The following NPTN variants were observed in gnomAD, a reference collection of about 807,000 sequenced individuals.
NPTN encodes SDR-1.
Under a neutral mutation model 42.7 loss-of-function variants are expected in NPTN, and 5 were observed. The observed-to-expected ratio is 0.12, with a 90% CI of 0.06 to 0.25. The LOEUF (loss-of-function observed/expected upper bound fraction) is 0.25, where lower values mean the gene tolerates loss of function less well. Among genes scored for constraint, NPTN ranks in the 10% least tolerant of loss-of-function variants. The pLI is 1.00. For missense variants in NPTN, 307 were observed against 525.4 expected, an observed-to-expected ratio of 0.58 and a Z score of 4.06; for synonymous variants, 180 against 201.9, an observed-to-expected ratio of 0.89 and a Z score of 0.92.
intron 2 of NPTN, among the ~76,000 whole-genome samples, chr15:73,594,634 C>T (rs1041994129): frequency 2.0e-5 from 3 of 152,144 alleles, no homozygotes; most frequent in Admixed American, 6.5e-5. Flanking sequence ...TGTGGCCAAG[C>T]GCTGCCCAAA....
intron 1 of NPTN, among the ~76,000 whole-genome samples, chr15:73,605,715 G>A (rs1204545782): frequency 7.4e-6 from 1 of 134,422 alleles, no homozygotes; most frequent in Admixed American, 7.8e-5. Flanking sequence ...CAACAAGAGC[G>A]AAACTCACCT....
At chr15:73,588,838 C>T (rs1300362977) in intron 3 of NPTN, among the ~76,000 whole-genome samples, 5 of 152,274 alleles carry the variant, frequency 3.3e-5, no homozygotes, top group Admixed American at 6.5e-5. Context: ...GATTAATGTC[C>T]GGCTTCCCAA....
chr15:73,580,928 T>C (rs1018757357), intron 4 of NPTN, among the ~76,000 whole-genome samples: 37 of 152,218 alleles, frequency 2.4e-4, no homozygotes, highest in African/African-American at 8.4e-4. Context: ...CTCTGAGTTT[T>C]AGTATTGTAA....
chr15:73,622,901 T>C (rs542039935), intron 1 of NPTN, among the ~76,000 whole-genome samples: 1 of 152,182 alleles, frequency 6.6e-6, no homozygotes, highest in African/African-American at 2.4e-5. Flanking sequence ...TCCTATATTT[T>C]ATCTGACAAC....
intron 1 of NPTN, among the ~76,000 whole-genome samples, chr15:73,623,386 C>A (rs1035396188): frequency 3.3e-5 from 5 of 152,172 alleles, no homozygotes; most frequent in Non-Finnish European, 7.3e-5. Context: ...AATTTCTGAT[C>A]TTTAAAAACT....
chr15:73,597,379 G>C lies in NPTN; in HGVS notation c.92-10C>G, dbSNP rs199789408. The stretch of plus-strand genomic sequence containing the variant: ...GACTTGACAAACCCAGCTAGAGGGA[G>C]GGGGAGCAGGAATGCAGTGACAGGC... On this transcript the variant is annotated splice_polypyrimidine_tract_variant and intron_variant, in intron 1 of 8. Transcript: ENST00000345330. This position sits in a 1 kb window ranked among gnomAD's most constrained non-coding sequence, Gnocchi z 6.3. 1.9e-6 allele frequency: 3 copies of C among 1,602,494 alleles called. No individual in the cohort carries two copies. The South Asian group carries it at 3.3e-5, about 18-fold the overall frequency.
At chr15:73,607,322 C>T (rs1897338031) in intron 1 of NPTN, among the ~76,000 whole-genome samples, 1 of 152,132 alleles carries the variant, frequency 6.6e-6, no homozygotes, top group African/African-American at 2.4e-5. Context: ...TGAAATGCAC[C>T]TGTCTATAAA....
intron 6 of NPTN, chr15:73,568,503 G>C: frequency 1.0e-6 from 1 of 985,344 alleles, no homozygotes; most frequent in Non-Finnish European, 1.2e-6. Flanking sequence ...ACACACGAAA[G>C]ACAGGCAACT....
At chr15:73,588,305 C>T (rs114570568) in intron 3 of NPTN, among the ~76,000 whole-genome samples, 536 of 152,222 alleles carry the variant, frequency 3.5e-3, no homozygotes, top group African/African-American at 0.012. Flanking sequence ...CAAAAACAAA[C>T]AAAAAGCACA....
chr15:73,628,874 T>C (rs1208859267), intron 1 of NPTN, among the ~76,000 whole-genome samples: 3 of 152,196 alleles, frequency 2.0e-5, no homozygotes, highest in African/African-American at 7.2e-5. Context: ...ATCAAATCTG[T>C]ATTAATGAGA....
intron 6 of NPTN, among the ~76,000 whole-genome samples, chr15:73,566,162 T>C (rs921624163): frequency 6.6e-6 from 1 of 152,206 alleles, no homozygotes; most frequent in Non-Finnish European, 1.5e-5. Flanking sequence ...AGATGGCCCC[T>C]AGTTAACAGA....
chr15:73,606,225 T>C lies in NPTN; in HGVS notation c.92-8856A>G, dbSNP rs151315118. On this transcript the variant is annotated intron_variant, in intron 1 of 8. Coordinates refer to ENST00000345330, the MANE Select transcript of NPTN (RefSeq NM_012428.4). ...TTGAGCAGTCAGATCCAAGAAAGTG[T>C]GGCCAAATACAATAAATCAGGGCCC... 3.1e-3 allele frequency among the ~76,000 whole-genome samples: 471 copies of C among 152,274 alleles called. 4 individuals are homozygous for C. The highest frequency in any genetic ancestry group is 0.011 in the African/African-American group (456 of 41,542).
chr15:73,607,486 G>C (rs922943294), intron 1 of NPTN, among the ~76,000 whole-genome samples: 1 of 152,142 alleles, frequency 6.6e-6, no homozygotes, highest in African/African-American at 2.4e-5. Context: ...CAAGCTGATA[G>C]TCTAAGTATA....
At chr15:73,568,269 G>C (rs901819281) in intron 6 of NPTN, 3 of 985,308 alleles carry the variant, frequency 3.0e-6, no homozygotes, top group Admixed American at 6.1e-5. Context: ...AACACGCTAG[G>C]CTGCTGCATC....
In NPTN at chr15:73,569,613, G is replaced by C. The variant is rs1258658630; in HGVS notation, c.1114+537C>G. The C allele has an allele frequency of 5.1e-6, 5 of 985,370 alleles. No homozygotes were observed. The highest frequency in any genetic ancestry group is 6.0e-6 in the Non-Finnish European group (5 of 829,946). 61.0% of individuals were successfully genotyped at this position (985,370 alleles called of 1,614,324 possible). On this transcript the variant is annotated intron_variant, in intron 6 of 8. Transcript: ENST00000345330. This position sits in a 1 kb window ranked among gnomAD's most constrained non-coding sequence, Gnocchi z 4.1. ...AAAGGGACCAACCAAGGAACCAAAA[G>C]CTGGCTTGTTCCAATGGCTTTTCTG... is the stretch of plus-strand genomic sequence containing the variant.
intron 1 of NPTN, among the ~76,000 whole-genome samples, chr15:73,598,772 A>C (rs1183191478): frequency 6.6e-6 from 1 of 152,230 alleles, no homozygotes; most frequent in Non-Finnish European, 1.5e-5. Context: ...AGAGGAAAGG[A>C]TGAAATAAAT....
intron 1 of NPTN, among the ~76,000 whole-genome samples, chr15:73,601,755 A>G (rs1262557265): frequency 2.0e-5 from 3 of 152,184 alleles, no homozygotes; most frequent in Non-Finnish European, 4.4e-5. Context: ...GAGTTTTGGG[A>G]AAGTATTAAT....
At chr15:73,598,876 T>C (rs1896948896) in intron 1 of NPTN, among the ~76,000 whole-genome samples, 1 of 152,212 alleles carries the variant, frequency 6.6e-6, no homozygotes, top group Non-Finnish European at 1.5e-5. Context: ...TTTACATCCA[T>C]AGCAGTATTT....
chr15:73,628,005 A>G (rs1053740387), intron 1 of NPTN, among the ~76,000 whole-genome samples: 1 of 150,626 alleles, frequency 6.6e-6, no homozygotes, highest in Non-Finnish European at 1.5e-5. Context: ...AGGAATTTTG[A>G]AAAAAAAAAT....
Sources: allele counts gnomAD v4.1 joint callset (sites outside exome capture counted in the v4.1 genomes callset), GRCh38; gene constraint gnomAD v4.1.1; non-coding constraint Gnocchi (gnomAD v3.1); transcripts MANE v1.5; gene names NCBI Gene and HGNC (gene_info 2026-07-23, HGNC 2026-07-21).